The following EDARADD variants were observed in gnomAD, a reference collection of about 807,000 sequenced individuals.
EDARADD encodes EDAR associated via death domain.
In EDARADD, 20 loss-of-function variants were observed where a neutral mutation model predicts 25.6. The ratio of observed to expected loss-of-function variants is 0.78; its 90% CI spans 0.55 to 1.14. The LOEUF (loss-of-function observed/expected upper bound fraction) is 1.14. Among genes scored for constraint, EDARADD ranks in the 50% most tolerant of loss-of-function variants. EDARADD has a pLI of 0.00. For synonymous variants in EDARADD, 86 were observed against 94.4 expected (o/e 0.91, Z 0.52); for missense variants, 225 against 270.1 (o/e 0.83, Z 1.17).
intron 4 of EDARADD, among the ~76,000 whole-genome samples, chr1:236,464,410 G>A (rs1297272326): frequency 6.9e-6 from 1 of 145,948 alleles, no homozygotes; most frequent in African/African-American, 2.5e-5. Flanking sequence ...ACCATGCGTG[G>A]TCCTTGCTGC....
chr1:236,432,394 G>GA (rs5781880), intron 4 of EDARADD, among the ~76,000 whole-genome samples: 65,389 of 137,942 alleles, frequency 0.47, 16,497 homozygotes, highest in Non-Finnish European at 0.61. Context: ...GCCACCAAAA[G>GA]AAAAAAAAAA....
chr1:236,451,465 C>A (rs1169366403), intron 4 of EDARADD, among the ~76,000 whole-genome samples: 1 of 152,044 alleles, frequency 6.6e-6, no homozygotes, highest in Non-Finnish European at 1.5e-5. Context: ...CTATGTTGCC[C>A]AGGCTGGAAT....
intron 4 of EDARADD, among the ~76,000 whole-genome samples, chr1:236,448,908 T>G (rs2103026082): frequency 6.6e-6 from 1 of 152,302 alleles, no homozygotes. Flanking sequence ...CATAACCATG[T>G]GTGTCTAGTC....
chr1:236,414,303 T>A lies in EDARADD; in HGVS notation c.160+4T>A, dbSNP rs370538737. The A allele has an allele frequency of 6.2e-7, 1 of 1,606,440 alleles. No individual in the cohort carries two copies. The highest frequency in any genetic ancestry group is 1.1e-5 in the South Asian group (1 of 90,786). The stretch of plus-strand genomic sequence containing the variant: ...CAAGATACGGAACTCCCTAAAGGTA[T>A]GTACAGTTAAAATAACTACTTGAAC... On this transcript the variant is annotated splice_donor_region_variant and intron_variant, in intron 3 of 5. Transcript: ENST00000334232.
intron 3 of EDARADD, among the ~76,000 whole-genome samples, chr1:236,355,210 A>G (rs1313862920): frequency 6.6e-6 from 1 of 152,200 alleles, no homozygotes; most frequent in African/African-American, 2.4e-5. Context: ...AGTGAAGTAG[A>G]TGGCCCATAT....
intron 4 of EDARADD, among the ~76,000 whole-genome samples, chr1:236,440,812 T>A (rs1199632556): frequency 1.3e-5 from 2 of 152,126 alleles, no homozygotes; most frequent in Non-Finnish European, 2.9e-5. Context: ...AACTGATAAA[T>A]GTGTGTGTTC....
intron 4 of EDARADD, among the ~76,000 whole-genome samples, chr1:236,453,347 G>A (rs1658764876): frequency 6.8e-6 from 1 of 147,956 alleles, no homozygotes; most frequent in African/African-American, 2.5e-5. Context: ...CATTGTCTCA[G>A]CTCACTTCAG....
chr1:236,388,836 A>G (rs1667387607), intron 3 of EDARADD, among the ~76,000 whole-genome samples: 1 of 152,198 alleles, frequency 6.6e-6, no homozygotes, highest in Admixed American at 6.5e-5. Context: ...TGTTAAATGA[A>G]TTTTTAAAGT....
chr1:236,416,916 A>C (rs1490671210), intron 3 of EDARADD, among the ~76,000 whole-genome samples: 1 of 152,174 alleles, frequency 6.6e-6, no homozygotes, highest in East Asian at 1.9e-4. Context: ...GTTCAAGACC[A>C]GCCTGGGCAA....
chr1:236,419,830 G>A (rs1413821932), intron 3 of EDARADD, among the ~76,000 whole-genome samples: 1 of 152,214 alleles, frequency 6.6e-6, no homozygotes. Context: ...GTGAGACAAT[G>A]AATATACATG....
intron 5 of EDARADD, among the ~76,000 whole-genome samples, chr1:236,478,881 C>A (rs1382217832): frequency 6.6e-6 from 1 of 152,184 alleles, no homozygotes; most frequent in Admixed American, 6.5e-5. Flanking sequence ...CCACCGCGCC[C>A]AGCGAGACTG....
intron 4 of EDARADD, among the ~76,000 whole-genome samples, chr1:236,437,035 A>C (rs1658273329): frequency 6.6e-6 from 1 of 152,232 alleles, no homozygotes; most frequent in African/African-American, 2.4e-5. Flanking sequence ...CTCCAGATAC[A>C]ATGGTGAATA....
intron 3 of EDARADD, among the ~76,000 whole-genome samples, chr1:236,353,222 A>G (rs112418517): frequency 2.0e-5 from 3 of 152,184 alleles, no homozygotes; most frequent in Non-Finnish European, 4.4e-5. Flanking sequence ...TCTGCAGGAG[A>G]GAACTGTGTG....
At chr1:236,478,136 TACTGTAA>T (rs1659561191) in intron 5 of EDARADD, among the ~76,000 whole-genome samples, 1 of 151,884 alleles carries the variant, frequency 6.6e-6, no homozygotes, top group Admixed American at 6.6e-5. Flanking sequence ...AAAAAATCCG[TACTGTAA>T]ACTGGTAAAG....
At chr1:236,452,286 C>T (rs544726915) in intron 4 of EDARADD, among the ~76,000 whole-genome samples, 45 of 152,292 alleles carry the variant, frequency 3.0e-4, no homozygotes, top group Non-Finnish European at 5.4e-4. Flanking sequence ...TCACTCCTTC[C>T]GTGAATTTCT....
upstream of EDARADD, among the ~76,000 whole-genome samples, chr1:236,390,281 C>T (rs189935337): frequency 1.7e-3 from 253 of 152,236 alleles, no homozygotes; most frequent in African/African-American, 5.8e-3. Flanking sequence ...CATGGCCGGG[C>T]GTGGTGGCTC....
At chr1:236,349,564 C>A (rs1405165834) in intron 2 of EDARADD, among the ~76,000 whole-genome samples, 1 of 151,876 alleles carries the variant, frequency 6.6e-6, no homozygotes, top group East Asian at 1.9e-4. Flanking sequence ...TGCTTCCAGG[C>A]TATAGGTAAA....
At chr1:236,462,509 C>T (rs1279372200) in intron 4 of EDARADD, among the ~76,000 whole-genome samples, 4 of 152,094 alleles carry the variant, frequency 2.6e-5, no homozygotes, top group Non-Finnish European at 4.4e-5. Context: ...CACATCAGTC[C>T]ATTCCCCCGT....
At chr1:236,352,226 G>A (rs616509) in intron 3 of EDARADD, among the ~76,000 whole-genome samples, 76,168 of 151,960 alleles carry the variant, frequency 0.5, 19,796 homozygotes, top group East Asian at 0.84. Flanking sequence ...CTCAATGCCC[G>A]CTAAAACTGG....
Sources: gnomAD v4.1 joint callset for allele counts (sites outside exome capture counted in the v4.1 genomes callset) on GRCh38, gnomAD v4.1.1 for gene constraint, MANE v1.5 for transcripts, NCBI Gene and HGNC (gene_info 2026-07-23, HGNC 2026-07-21) for gene names.